LARP1: variants seen among roughly 807,000 people sequenced by gnomAD.
LARP1 encodes the protein la-related protein 1.
LARP1 carries 36 observed loss-of-function variants against 122.7 expected under a neutral mutation model. The ratio of observed to expected loss-of-function variants is 0.29; its 90% CI spans 0.22 to 0.39. LARP1 has a LOEUF of 0.39. Ranked by LOEUF, LARP1 falls within the 10% of genes least tolerant of loss-of-function variation. The pLI is 1.00. For missense variants in LARP1, 1,040 were observed against 1,403.6 expected (o/e 0.74, Z 4.14); for synonymous variants, 539 against 528.7 (o/e 1.02, Z -0.27).
At chr5:154,685,707 C>T (rs946480695) in intron 1 of LARP1, 5 of 412,970 alleles carry the variant, frequency 1.2e-5, no homozygotes, top group African/African-American at 8.8e-5. Flanking sequence ...CACAGTGGCT[C>T]GCACCTGTAA....
At chr5:154,710,586 T>C (rs1384032343), upstream of LARP1, among the ~76,000 whole-genome samples, 1 of 151,458 alleles carries the variant, frequency 6.6e-6, no homozygotes, top group Non-Finnish European at 1.5e-5. Context: ...TACTAAAAAT[T>C]CAAAAAATTA....
chr5:154,809,946 A>C (rs1252734778), intron 16 of LARP1, among the ~76,000 whole-genome samples: 1 of 151,790 alleles, frequency 6.6e-6, no homozygotes, highest in African/African-American at 2.4e-5. Context: ...TGACCTTGTG[A>C]TCCGCCTGTC....
Position 154,713,179 on chromosome 5 carries a change from G to T in LARP1, c.205+49G>T. ...CTTGAACCTCAGGACAGCAGGGTGTGGTAGGAAGATCCTTCTCCCTAGGGG... is the reference window on the plus strand; with the variant it reads ...CTTGAACCTCAGGACAGCAGGGTGTTGTAGGAAGATCCTTCTCCCTAGGGG... On this transcript the variant is annotated intron_variant, in intron 1 of 18. Coordinates refer to the LARP1 transcript ENST00000336314. 3.3e-6 allele frequency: 5 copies of T among 1,517,248 alleles called. 1 individual carries two copies. In the South Asian group the frequency reaches 5.8e-5, roughly 18 times the overall value. The allele number at this position is 1,517,248 out of a possible 1,614,324, so 94.0% of individuals were successfully genotyped here.
chr5:154,732,098 G>A (rs1008149295), intron 1 of LARP1, among the ~76,000 whole-genome samples: 10 of 151,104 alleles, frequency 6.6e-5, no homozygotes, highest in African/African-American at 1.2e-4. Context: ...CCCGGGAGGC[G>A]GAGGTTGCAG....
At chr5:154,773,417 A>C (rs1003655431) in intron 1 of LARP1, among the ~76,000 whole-genome samples, 10 of 151,830 alleles carry the variant, frequency 6.6e-5, no homozygotes, top group Non-Finnish European at 1.3e-4. Flanking sequence ...GAAGGCACAT[A>C]CCCAGCTGCT....
chr5:154,754,473 G>C (rs1372234579), upstream of LARP1, among the ~76,000 whole-genome samples: 1 of 152,206 alleles, frequency 6.6e-6, no homozygotes, highest in Admixed American at 6.5e-5. Flanking sequence ...TCAGATCTCA[G>C]AAGTCCCAAT....
At chr5:154,783,223 C>G (rs1412122526) in intron 1 of LARP1, among the ~76,000 whole-genome samples, 1 of 152,182 alleles carries the variant, frequency 6.6e-6, no homozygotes, top group Non-Finnish European at 1.5e-5. Flanking sequence ...TGAGCAGCCT[C>G]TGGGAGAACT....
chr5:154,704,376 G>A (rs1236030882), intron 1 of LARP1, among the ~76,000 whole-genome samples: 1 of 152,184 alleles, frequency 6.6e-6, no homozygotes, highest in Non-Finnish European at 1.5e-5. Context: ...GCTGGGCGTG[G>A]TGGCTCATGC....
chr5:154,811,279 G>T lies in LARP1; in HGVS notation c.2876G>T (p.Ser959Ile), dbSNP rs1302890967. ...TTGGAGTGCCTTTTTCGATACTACA[G>T]TTATGGCCTGGAAAAGAAGTTCCGG... ...YGLECLFRYY[S>I]YGLEKKFRLD... Residue 959 changes from serine (S) to isoleucine (I), a missense_variant, in exon 17 of 19, where the codon AGT becomes ATT. Around this residue, in one of 8 missense-constraint regions of LARP1, gnomAD observed 59 missense variants for 137.2 expected, o/e 0.43. Coordinates refer to ENST00000518297, the MANE Select transcript of LARP1 (RefSeq NM_033551.3). The T allele has an allele frequency of 6.2e-7, 1 of 1,614,056 alleles. No homozygotes were observed.
chr5:154,729,559 GA>G, intron 1 of LARP1: 2 of 438,492 alleles, frequency 4.6e-6, no homozygotes, highest in Non-Finnish European at 9.0e-6. Flanking sequence ...AAAATGATCA[GA>G]AAAAGAAGAA....
At chr5:154,743,968 T>A (rs1272434837) in intron 1 of LARP1, among the ~76,000 whole-genome samples, 1 of 152,186 alleles carries the variant, frequency 6.6e-6, no homozygotes, top group Non-Finnish European at 1.5e-5. Flanking sequence ...TTTCTCCAAG[T>A]GCCTTGCACA....
intron 8 of LARP1, among the ~76,000 whole-genome samples, chr5:154,795,985 AT>A (rs1323718846): frequency 0.064 from 7,508 of 116,934 alleles, 335 homozygotes; most frequent in Admixed American, 0.11. Context: ...ATATTTATAT[AT>A]TATATATTTT....
At chr5:154,739,299 C>T (rs1460624965) in intron 1 of LARP1, among the ~76,000 whole-genome samples, 2 of 152,242 alleles carry the variant, frequency 1.3e-5, no homozygotes, top group South Asian at 2.1e-4. Context: ...GGATTACAGG[C>T]GTGAGCCACC....
chr5:154,737,342 A>G (rs1022527290), intron 1 of LARP1, among the ~76,000 whole-genome samples: 1 of 151,594 alleles, frequency 6.6e-6, no homozygotes, highest in African/African-American at 2.4e-5. Flanking sequence ...TGCCTGGCCA[A>G]TGTGTTGTTT....
chr5:154,795,045 A>T, intron 7 of LARP1, 130 bp from the exon 8 acceptor site: 1 of 822,630 alleles, frequency 1.2e-6, no homozygotes, highest in Non-Finnish European at 2.0e-6. Flanking sequence ...CACTGTTGGT[A>T]TATAGGATAA....
At chr5:154,697,942 C>T (rs1254621051) in intron 1 of LARP1, among the ~76,000 whole-genome samples, 4 of 152,164 alleles carry the variant, frequency 2.6e-5, no homozygotes, top group Non-Finnish European at 4.4e-5. Flanking sequence ...CCTCTCGCCT[C>T]AGTCTCCCAA....
chr5:154,810,688 T>C (rs750712830), intron 16 of LARP1, among the ~76,000 whole-genome samples: 2 of 152,032 alleles, frequency 1.3e-5, no homozygotes, highest in Non-Finnish European at 2.9e-5. Flanking sequence ...GGTTTCACCA[T>C]GTTGGCCAGG....
At chr5:154,730,815 C>T (rs941395837) in intron 1 of LARP1, among the ~76,000 whole-genome samples, 4 of 151,116 alleles carry the variant, frequency 2.6e-5, no homozygotes, top group Admixed American at 6.6e-5. Flanking sequence ...GCCTCTCATA[C>T]TCCCATCTAG....
intron 1 of LARP1, among the ~76,000 whole-genome samples, chr5:154,735,626 T>C (rs1756844486): frequency 6.6e-6 from 1 of 151,640 alleles, no homozygotes; most frequent in Non-Finnish European, 1.5e-5. Context: ...TGGATTGTAG[T>C]GGCGTGATCT....
Sources: gnomAD v4.1 joint callset for allele counts (sites outside exome capture counted in the v4.1 genomes callset) on GRCh38, gnomAD v4.1.1 for gene constraint, gnomAD v4.1.1 regional missense constraint, MANE v1.5 for transcripts, NCBI Gene and HGNC (gene_info 2026-07-23, HGNC 2026-07-21) for gene names.